The following RASGEF1A variants were observed in gnomAD, a reference collection of about 807,000 sequenced individuals.
RASGEF1A encodes ras-GEF domain-containing family member 1A.
A neutral mutation model predicts 56.4 loss-of-function variants in RASGEF1A; 18 were observed. The observed-to-expected ratio is 0.32, with a 90% CI of 0.22 to 0.47. The LOEUF (loss-of-function observed/expected upper bound fraction) is 0.47. Among genes scored for constraint, RASGEF1A ranks in the 20% least tolerant of loss-of-function variants. The probability of loss-of-function intolerance (pLI) is 1.00; values close to 1 mark genes in which losing one functional copy is unlikely to be tolerated. For synonymous variants in RASGEF1A, 245 were observed against 242.6 expected, an observed-to-expected ratio of 1.01 and a Z score of -0.09; for missense variants, 422 against 627.1, an observed-to-expected ratio of 0.67 and a Z score of 3.49.
chr10:43,227,056 T>C (rs1840288442), intron 1 of RASGEF1A, among the ~76,000 whole-genome samples: 1 of 152,130 alleles, frequency 6.6e-6, no homozygotes, highest in African/African-American at 2.4e-5. Context: ...GATTCTGAGA[T>C]CAGCTTCCAA....
chr10:43,247,127 A>C (rs1840574654), intron 1 of RASGEF1A, among the ~76,000 whole-genome samples: 1 of 152,256 alleles, frequency 6.6e-6, no homozygotes, highest in South Asian at 2.1e-4. Flanking sequence ...CATTTCTCTA[A>C]AGAAGATGTA....
chr10:43,248,579 A>C (rs112005294), intron 1 of RASGEF1A, among the ~76,000 whole-genome samples: 118 of 152,346 alleles, frequency 7.7e-4, no homozygotes, highest in African/African-American at 2.6e-3. Context: ...ACAATCTAAC[A>C]GGTGAGAATG....
intron 3 of RASGEF1A, among the ~76,000 whole-genome samples, chr10:43,202,950 C>T (rs1447569239): frequency 6.8e-6 from 1 of 146,232 alleles, no homozygotes; most frequent in East Asian, 2.1e-4. Context: ...ACTGACCCTG[C>T]CCCGAGACCC....
intron 1 of RASGEF1A, among the ~76,000 whole-genome samples, chr10:43,242,410 C>T (rs993118582): frequency 6.6e-6 from 1 of 152,150 alleles, no homozygotes; most frequent in Non-Finnish European, 1.5e-5. Context: ...GACAATTCAA[C>T]AAAAATAGTT....
At chr10:43,261,693 G>A (rs757049619) in intron 1 of RASGEF1A, among the ~76,000 whole-genome samples, 1 of 152,146 alleles carries the variant, frequency 6.6e-6, no homozygotes, top group African/African-American at 2.4e-5. Context: ...GCAGAGGCTT[G>A]GGTCCTAGCA....
intron 1 of RASGEF1A, among the ~76,000 whole-genome samples, chr10:43,224,094 A>C (rs1209438004): frequency 2.6e-5 from 4 of 152,210 alleles, no homozygotes; most frequent in Non-Finnish European, 5.9e-5. Context: ...GTACAAATTA[A>C]GTTGAGAGCC....
intron 5 of RASGEF1A, 86 bp from the exon 6 acceptor site, chr10:43,200,342 G>A (rs969326115): frequency 1.6e-6 from 2 of 1,226,408 alleles, no homozygotes; most frequent in African/African-American, 3.0e-5. Context: ...AGGGAGAGGA[G>A]GAGCTGCCCA....
chr10:43,205,465 C>T (rs1176801631), intron 2 of RASGEF1A, among the ~76,000 whole-genome samples: 1 of 152,150 alleles, frequency 6.6e-6, no homozygotes, highest in Non-Finnish European at 1.5e-5. Flanking sequence ...GCCATCTCCT[C>T]TTCATTCTGG....
intron 1 of RASGEF1A, among the ~76,000 whole-genome samples, chr10:43,211,490 G>A (rs950906254): frequency 9.2e-5 from 14 of 152,282 alleles, no homozygotes; most frequent in Admixed American, 7.8e-4. Flanking sequence ...CAGGACAGAG[G>A]GCAGGCGGCA....
At chr10:43,198,843 G>A in intron 9 of RASGEF1A, 90 bp downstream of exon 9, 1 of 1,222,908 alleles carries the variant, frequency 8.2e-7, no homozygotes. Context: ...GAGGAGGGCA[G>A]CCCCCCACCC....
At chr10:43,248,528 T>A (rs1387003655) in intron 1 of RASGEF1A, among the ~76,000 whole-genome samples, 1 of 152,144 alleles carries the variant, frequency 6.6e-6, no homozygotes, top group East Asian at 1.9e-4. Context: ...ATGACCAACA[T>A]CCCACTACCA....
chr10:43,203,081 GCCCC>G, intron 3 of RASGEF1A, among the ~76,000 whole-genome samples: 1 of 91,156 alleles, frequency 1.1e-5, no homozygotes, highest in Non-Finnish European at 2.1e-5. Flanking sequence ...CCCCGACCCT[GCCCC>G]AGCCAGGCCA....
intron 1 of RASGEF1A, among the ~76,000 whole-genome samples, chr10:43,234,548 G>A (rs912650238): frequency 3.3e-5 from 5 of 152,146 alleles, no homozygotes; most frequent in Non-Finnish European, 4.4e-5. Context: ...GGACCACGCC[G>A]GTGCTACAGA....
At chr10:43,241,443 G>T (rs1290695989) in intron 1 of RASGEF1A, among the ~76,000 whole-genome samples, 1 of 152,122 alleles carries the variant, frequency 6.6e-6, no homozygotes, top group East Asian at 1.9e-4. Context: ...GAATACTGTT[G>T]CAATTGAGTT....
rs1220884649 is a variant in RASGEF1A, at chr10:43,197,064, G to A, written c.1260C>T (p.Phe420=). ...GACACTCTACCTGTGTCCATGTCAT[G>A]AACTCATGGATCTGTCTGGAGATCT... ...FWEISRQIHE[F]MTWTQVECPF... is the part of the protein sequence containing the mutation. The change falls in exon 11 of 13, where the codon TTC becomes TTT. Residue 420 remains phenylalanine (F), a synonymous_variant. Transcript: ENST00000395810. 11 of 1,613,806 alleles carry A rather than the reference G, an allele frequency of 6.8e-6. No individual in the cohort carries two copies. Among genetic ancestry groups the A allele is most frequent in the African/African-American group, 1.3e-5 (1 of 74,936 alleles).
At position 43,207,430 on chromosome 10, in the gene RASGEF1A, A is replaced by G. The variant is rs1345606042; in HGVS notation, c.-6-1308T>C. Reference sequence around the variant, plus strand: ...CACACACACACACACACACACACACACACACACACACACAGCACGTCCCTG... The same window carrying G: ...CACACACACACACACACACACACACGCACACACACACACAGCACGTCCCTG... On this transcript the variant is annotated intron_variant, in intron 1 of 12. Coordinates refer to ENST00000395810, the MANE Select transcript of RASGEF1A (RefSeq NM_145313.4). The G allele has an allele frequency of 4.1e-6, 4 of 974,636 alleles. No individual in the cohort carries two copies. In the South Asian group the frequency reaches 2.1e-4, roughly 51 times the overall value. The allele number at this position is 974,636 out of a possible 1,614,324, so 60.4% of individuals were successfully genotyped here.
chr10:43,200,785 G>A lies in RASGEF1A; in HGVS notation c.563C>T (p.Pro188Leu). 6.2e-7 allele frequency: 1 copy of A among 1,613,964 alleles called. No homozygotes were observed. Among genetic ancestry groups the A allele is most frequent in the Non-Finnish European group, 8.5e-7 (1 of 1,180,036 alleles). Residue 188 changes from proline to leucine, a missense_variant, in exon 5 of 13, where the codon CCA becomes CTA. This residue lies in a region of RASGEF1A where 273 missense variants were observed against 339.9 expected (regional missense o/e 0.80). Transcript: ENST00000395810. ...QLQELREKLR[P>L]PAVDKGPILK... Reference sequence around the variant, plus strand: ...GATGGGCCCCTTGTCTACAGCCGGTGGCCGGAGCTTCTCTCGCAGTTCCTG... The same window carrying A: ...GATGGGCCCCTTGTCTACAGCCGGTAGCCGGAGCTTCTCTCGCAGTTCCTG...
chr10:43,250,554 G>C (rs66557659), intron 1 of RASGEF1A, among the ~76,000 whole-genome samples: 29,721 of 152,204 alleles, frequency 0.2, 3,066 homozygotes, highest in Admixed American at 0.26. Context: ...GTGTGGCTCT[G>C]AGGTTGGAAT....
At chr10:43,263,697 G>A (rs541294553) in intron 1 of RASGEF1A, among the ~76,000 whole-genome samples, 1 of 152,296 alleles carries the variant, frequency 6.6e-6, no homozygotes, top group Non-Finnish European at 1.5e-5. Context: ...AGCCCGGGCA[G>A]TGCCCAGGGC....
Sources: gnomAD v4.1 joint callset for allele counts (sites outside exome capture counted in the v4.1 genomes callset) on GRCh38, gnomAD v4.1.1 for gene constraint, gnomAD v4.1.1 regional missense constraint, MANE v1.5 for transcripts, NCBI Gene and HGNC (gene_info 2026-07-23, HGNC 2026-07-21) for gene names.